ZRANB3: variants seen among roughly 807,000 people sequenced by gnomAD.
ZRANB3 encodes the protein DNA annealing helicase and endonuclease ZRANB3.
Under a neutral mutation model 133.8 loss-of-function variants are expected in ZRANB3, and 125 were observed. The observed-to-expected ratio is 0.93, with a 90% CI of 0.81 to 1.08. ZRANB3 has a LOEUF of 1.08. ZRANB3 is among the 50% of genes least tolerant of loss of function. The probability of loss-of-function intolerance (pLI) is 0.00; values close to 1 mark genes in which losing one functional copy is unlikely to be tolerated. For missense variants in ZRANB3, 1,229 were observed against 1,275.5 expected (o/e 0.96, Z 0.56); for synonymous variants, 387 against 432.7 (o/e 0.89, Z 1.31).
chr2:135,297,390 A>T (rs552212744), intron 8 of ZRANB3, among the ~76,000 whole-genome samples: 2 of 152,170 alleles, frequency 1.3e-5, no homozygotes, highest in African/African-American at 4.8e-5. Context: ...TGCGGGATAT[A>T]ATCTCCTAGT....
chr2:135,456,381 G>A (rs1690519662), intron 2 of ZRANB3, among the ~76,000 whole-genome samples: 1 of 152,136 alleles, frequency 6.6e-6, no homozygotes, highest in Admixed American at 6.5e-5. Flanking sequence ...TATTTCATTG[G>A]CTAGAACTCA....
intron 11 of ZRANB3, among the ~76,000 whole-genome samples, chr2:135,266,016 C>T (rs1680228066): frequency 1.3e-5 from 2 of 152,074 alleles, no homozygotes; most frequent in Non-Finnish European, 2.9e-5. Flanking sequence ...TGAGACCAGC[C>T]TGCCCAACAT....
chr2:135,310,921 T>C (rs1482889755), intron 8 of ZRANB3, among the ~76,000 whole-genome samples: 1 of 151,016 alleles, frequency 6.6e-6, no homozygotes, highest in African/African-American at 2.4e-5. Flanking sequence ...GGTATCTTTG[T>C]GAACTTAGAT....
chr2:135,487,684 C>G (rs1219330470), intron 2 of ZRANB3, among the ~76,000 whole-genome samples: 1 of 152,166 alleles, frequency 6.6e-6, no homozygotes, highest in Non-Finnish European at 1.5e-5. Context: ...TCAAATTTTT[C>G]TTCTGCAGGT....
At chr2:135,351,451 C>T (rs1310235834) in intron 4 of ZRANB3, among the ~76,000 whole-genome samples, 1 of 151,620 alleles carries the variant, frequency 6.6e-6, no homozygotes. Flanking sequence ...GTATTTTAGC[C>T]AGGATGGTCT....
At chr2:135,382,984 A>C (rs1162584603) in intron 3 of ZRANB3, among the ~76,000 whole-genome samples, 1 of 152,210 alleles carries the variant, frequency 6.6e-6, no homozygotes, top group South Asian at 2.1e-4. Context: ...AAATTCACAC[A>C]TAACAATATT....
intron 2 of ZRANB3, among the ~76,000 whole-genome samples, chr2:135,467,072 A>G (rs1343397511): frequency 1.3e-5 from 2 of 152,168 alleles, no homozygotes; most frequent in African/African-American, 4.8e-5. Flanking sequence ...CATTACCTTT[A>G]AGGTAGATGA....
chr2:135,445,557 G>A (rs1254868595), intron 2 of ZRANB3, among the ~76,000 whole-genome samples: 1 of 152,134 alleles, frequency 6.6e-6, no homozygotes, highest in Admixed American at 6.5e-5. Flanking sequence ...ATGTTCTTGA[G>A]TACATAATAG....
intron 1 of ZRANB3, among the ~76,000 whole-genome samples, chr2:135,529,076 T>TTAG (rs1319610326): frequency 6.6e-6 from 1 of 152,216 alleles, no homozygotes; most frequent in Non-Finnish European, 1.5e-5. Flanking sequence ...GGCACTGCTC[T>TTAG]ACCCAAAGTC....
intron 2 of ZRANB3, among the ~76,000 whole-genome samples, chr2:135,438,952 G>A (rs1004934199): frequency 4.6e-5 from 7 of 152,078 alleles, no homozygotes; most frequent in African/African-American, 1.7e-4. Flanking sequence ...GGCTGAGTCA[G>A]ATAAAAAAGG....
intron 7 of ZRANB3, among the ~76,000 whole-genome samples, chr2:135,315,144 A>T (rs1013233568): frequency 6.6e-6 from 1 of 152,060 alleles, no homozygotes; most frequent in Non-Finnish European, 1.5e-5. Context: ...TTTTTAAACC[A>T]CTAGGTTACC....
At chr2:135,309,063 C>T (rs954913124) in intron 8 of ZRANB3, among the ~76,000 whole-genome samples, 11 of 150,190 alleles carry the variant, frequency 7.3e-5, no homozygotes, top group East Asian at 3.9e-4. Flanking sequence ...TCACTGCAAG[C>T]GCTGCCTCCT....
chr2:135,383,950 G>T (rs535479724), intron 3 of ZRANB3, among the ~76,000 whole-genome samples: 1 of 151,950 alleles, frequency 6.6e-6, no homozygotes, highest in Non-Finnish European at 1.5e-5. Flanking sequence ...AAGCAAAAGC[G>T]AACACATTCA....
At chr2:135,488,554 T>C (rs988589096) in intron 2 of ZRANB3, among the ~76,000 whole-genome samples, 5 of 151,624 alleles carry the variant, frequency 3.3e-5, no homozygotes, top group African/African-American at 1.2e-4. Flanking sequence ...CATACTATAT[T>C]TGAATATACT....
intron 1 of ZRANB3, chr2:135,511,405 T>C: frequency 1.2e-6 from 1 of 811,298 alleles, no homozygotes; most frequent in Non-Finnish European, 2.2e-6. Flanking sequence ...ACGTCATTAC[T>C]GACAACTGCC....
rs199835442 is a variant in ZRANB3, at chr2:135,345,591, T to G, written c.636A>C (p.Arg212Ser). The change falls in exon 6 of 21, where the codon AGA becomes AGC. Residue 212 changes from arginine (R) to serine (S), a missense_variant. By Grantham distance (110) the Arg-to-Ser change is moderately radical (BLOSUM62 -1). Transcript: ENST00000264159. ...AGTATCTTTTTGCATAGTCGGTCCA[T>G]CTTCCAAATTTTTGTGGAAAGAGAG... ...IEALFPQKFG[R>S]WTDYAKRYCN... 1 of 1,613,070 alleles carries G rather than the reference T, an allele frequency of 6.2e-7. No individual in the cohort carries two copies. The highest frequency in any genetic ancestry group is 2.2e-5 in the East Asian group (1 of 44,858).
intron 2 of ZRANB3, among the ~76,000 whole-genome samples, chr2:135,412,720 T>TA (rs1388434691): frequency 1.3e-5 from 2 of 152,078 alleles, no homozygotes; most frequent in South Asian, 4.1e-4. Context: ...GTATACCTTT[T>TA]TTAAACCATC....
intron 15 of ZRANB3, among the ~76,000 whole-genome samples, chr2:135,220,090 C>A (rs1227439853): frequency 6.6e-6 from 1 of 151,834 alleles, no homozygotes; most frequent in Non-Finnish European, 1.5e-5. Flanking sequence ...CCAGGCTGGT[C>A]TCAAAATCCT....
intron 6 of ZRANB3, among the ~76,000 whole-genome samples, chr2:135,328,437 C>A: frequency 6.6e-6 from 1 of 152,002 alleles, no homozygotes; most frequent in East Asian, 1.9e-4. Context: ...GTATATGTAC[C>A]ACATTTTCTT....
Sources: allele counts gnomAD v4.1 joint callset (sites outside exome capture counted in the v4.1 genomes callset), GRCh38; gene constraint gnomAD v4.1.1; transcripts MANE v1.5; gene names NCBI Gene and HGNC (gene_info 2026-07-23, HGNC 2026-07-21).